The following CROT variants were observed in gnomAD, a reference collection of about 807,000 sequenced individuals.
The protein encoded by CROT is carnitine O-octanoyltransferase.
CROT carries 84 observed loss-of-function variants against 89.2 expected under a neutral mutation model. The ratio of observed to expected loss-of-function variants is 0.94; its 90% confidence interval spans 0.79 to 1.13. CROT has a LOEUF of 1.13. Ranked by LOEUF, CROT falls within the 50% of genes most tolerant of loss-of-function variation. The pLI is 0.00. For synonymous variants in CROT, 212 were observed against 239.5 expected (o/e 0.89, Z 1.06); for missense variants, 711 against 727.8 (o/e 0.98, Z 0.27).
chr7:87,348,630 C>G (rs1805772210), intron 2 of CROT, among the ~76,000 whole-genome samples: 1 of 152,170 alleles, frequency 6.6e-6, no homozygotes, highest in African/African-American at 2.4e-5. Context: ...CTTAACAGAT[C>G]TGGGTTTGGG....
intron 3 of CROT, among the ~76,000 whole-genome samples, chr7:87,354,555 T>G (rs1226231991): frequency 2.0e-5 from 3 of 152,200 alleles, no homozygotes; most frequent in Non-Finnish European, 4.4e-5. Context: ...AAACATTGCT[T>G]TTCTAGACCT....
chr7:87,396,689 G>T (rs1807535885), intron 17 of CROT, among the ~76,000 whole-genome samples: 1 of 38,168 alleles, frequency 2.6e-5, no homozygotes, highest in African/African-American at 7.6e-5. Flanking sequence ...CATGCTGATT[G>T]TAAAAAAAAA....
At position 87,379,557 on chromosome 7, in the gene CROT, A is replaced by G. The variant is rs1049944226; in HGVS notation, c.978+2107A>G. Among the ~76,000 whole-genome samples the G allele has an allele frequency of 7.2e-5, 11 of 152,250 alleles. No homozygotes were observed. The East Asian group carries it at 7.7e-4, about 11-fold the overall frequency. On this transcript the variant is annotated intron_variant, in intron 10 of 17. Transcript: ENST00000331536. Reference sequence around the variant, plus strand: ...ATCCTGCTGTTCACACAAATTCAAGATGAAAATAATTTTGATAATCTTGTC... The same window carrying G: ...ATCCTGCTGTTCACACAAATTCAAGGTGAAAATAATTTTGATAATCTTGTC...
At position 87,392,561 on chromosome 7, in the gene CROT, T is replaced by A. The variant is rs202014207; in HGVS notation, c.1426-5T>A. The A allele has an allele frequency of 9.9e-6, 16 of 1,612,234 alleles. No homozygotes were observed. In the Admixed American group the frequency reaches 2.7e-4, roughly 27 times the overall value. On this transcript the variant is annotated splice_region_variant and splice_polypyrimidine_tract_variant and intron_variant, in intron 14 of 17. Transcript: ENST00000331536. ...TATTGAAGTGTCTCTCGATTTTTAA[T>A]ACAGCTTCGTGAGCGGCAGCAAAAG...
At chr7:87,361,288 G>T in intron 4 of CROT, 102 bp from the exon 5 acceptor site, 2 of 1,181,208 alleles carry the variant, frequency 1.7e-6, no homozygotes, top group Non-Finnish European at 2.4e-6. Flanking sequence ...AAATGTTGAA[G>T]AATAATTAAA....
intron 13 of CROT, among the ~76,000 whole-genome samples, chr7:87,385,021 TG>T (rs1233671100): frequency 6.6e-6 from 1 of 152,184 alleles, no homozygotes; most frequent in African/African-American, 2.4e-5. Flanking sequence ...GATTTATTTC[TG>T]GGTTCTCTAT....
chr7:87,370,393 A>G (rs951660700), intron 7 of CROT, among the ~76,000 whole-genome samples: 3 of 152,088 alleles, frequency 2.0e-5, no homozygotes, highest in Non-Finnish European at 4.4e-5. Context: ...GTGTTGGCCA[A>G]GCTGGTCTTG....
chr7:87,366,225 T>A (rs1198940158), intron 6 of CROT, among the ~76,000 whole-genome samples: 81 of 151,432 alleles, frequency 5.3e-4, no homozygotes, highest in Non-Finnish European at 1.5e-5. Context: ...ACTTCCCCTG[T>A]ACCCTCGCAA....
chr7:87,385,419 T>A (rs1807157013), intron 13 of CROT, among the ~76,000 whole-genome samples: 1 of 152,158 alleles, frequency 6.6e-6, no homozygotes, highest in Admixed American at 6.5e-5. Context: ...TTTGGTTCAG[T>A]TGATTCCTAG....
Position 87,381,928 on chromosome 7 carries a change from A to G in CROT, c.997A>G (p.Met333Val), listed in dbSNP as rs536903511. 5.6e-6 allele frequency: 9 copies of G among 1,609,074 alleles called. No homozygotes were observed. The African/African-American group carries it at 6.7e-5, about 12-fold the overall frequency. The stretch of plus-strand genomic sequence containing the variant: ...ATTTTAGCATGCTCCTTTTGATGCA[A>G]TGATTATGGTGAACATCAGTTATTA... ...CNCDHAPFDA[M>V]IMVNISYYVD... Residue 333 changes from methionine (M) to valine (V), a missense_variant, in exon 11 of 18, where the codon ATG (methionine) becomes GTG (valine). Coordinates refer to ENST00000331536, the MANE Select transcript of CROT (RefSeq NM_021151.4).
chr7:87,359,848 A>G (rs1806217389), intron 4 of CROT: 1 of 985,466 alleles, frequency 1.0e-6, no homozygotes, highest in African/African-American at 1.7e-5. Flanking sequence ...ATAATTTTCC[A>G]CAAAATTCTT....
intron 3 of CROT, among the ~76,000 whole-genome samples, chr7:87,355,103 A>T (rs942441728): frequency 6.8e-6 from 1 of 147,058 alleles, no homozygotes; most frequent in Non-Finnish European, 1.5e-5. Context: ...AAAAATATGT[A>T]TTTTTTTTTT....
chr7:87,372,339 C>T (rs1806670331), intron 7 of CROT, among the ~76,000 whole-genome samples: 1 of 152,132 alleles, frequency 6.6e-6, no homozygotes, highest in Admixed American at 6.5e-5. Context: ...GCAAATTTAT[C>T]TTTTTAATCA....
At chr7:87,361,676 C>A in intron 5 of CROT, 52 bp from the exon 6 acceptor site, 2 of 1,536,998 alleles carry the variant, frequency 1.3e-6, no homozygotes, top group Non-Finnish European at 1.7e-6. Flanking sequence ...TCAGTTGTGG[C>A]TGGTTTTTAA....
At chr7:87,366,423 C>G (rs558823528) in intron 6 of CROT, among the ~76,000 whole-genome samples, 1 of 152,116 alleles carries the variant, frequency 6.6e-6, no homozygotes, top group African/African-American at 2.4e-5. Context: ...CCTGCCCATT[C>G]CCCTTCATCT....
intron 4 of CROT, chr7:87,360,179 T>C (rs1313763750): frequency 1.3e-6 from 1 of 771,168 alleles, no homozygotes; most frequent in Non-Finnish European, 1.6e-6. Context: ...TTATAGTTTA[T>C]AACATCACTT....
intron 7 of CROT, among the ~76,000 whole-genome samples, chr7:87,374,070 G>A (rs962317806): frequency 2.0e-5 from 3 of 152,028 alleles, no homozygotes; most frequent in Non-Finnish European, 4.4e-5. Flanking sequence ...AATGGAAAGC[G>A]ATGAAGCAGA....
At chr7:87,370,568 C>T (rs1247033953) in intron 7 of CROT, among the ~76,000 whole-genome samples, 2 of 152,142 alleles carry the variant, frequency 1.3e-5, no homozygotes, top group African/African-American at 4.8e-5. Context: ...CTATTTATAA[C>T]TTAAATTAGT....
At chr7:87,385,395 GA>G (rs1172081274) in intron 13 of CROT, among the ~76,000 whole-genome samples, 1 of 151,770 alleles carries the variant, frequency 6.6e-6, no homozygotes, top group East Asian at 1.9e-4. Context: ...TCCTTGTATT[GA>G]TTTTTTTACT....
Sources: allele counts gnomAD v4.1 joint callset (sites outside exome capture counted in the v4.1 genomes callset), GRCh38; gene constraint gnomAD v4.1.1; transcripts MANE v1.5; gene names NCBI Gene and HGNC (gene_info 2026-07-23, HGNC 2026-07-21).